Variants in BCL11B observed in about 807,000 individuals in gnomAD.
BCL11B encodes BCL11 transcription factor B, also known as B-cell lymphoma/leukemia 11B.
BCL11B carries 8 observed loss-of-function variants against 49.9 expected under a neutral mutation model. The ratio of observed to expected loss-of-function variants is 0.16; its 90% CI spans 0.09 to 0.29. The LOEUF (loss-of-function observed/expected upper bound fraction) is 0.29. BCL11B is among the 10% of genes least tolerant of loss of function. BCL11B has a pLI of 1.00. For synonymous variants in BCL11B, 739 were observed against 637.4 expected (o/e 1.16, Z -2.40); for missense variants, 1,006 against 1,351.0 (o/e 0.74, Z 4.00).
At chr14:99,249,214 G>C (rs1320117393) in intron 2 of BCL11B, among the ~76,000 whole-genome samples, 2 of 152,136 alleles carry the variant, frequency 1.3e-5, no homozygotes, top group Non-Finnish European at 2.9e-5. Flanking sequence ...GATCCCACGA[G>C]GCCTGGGCTC....
rs1409963178 is a variant in BCL11B at position 99,184,061 on chromosome 14, G to C, written c.641-7866C>G. On this transcript the variant is annotated intron_variant, in intron 3 of 3. Coordinates refer to ENST00000357195, the MANE Select transcript of BCL11B (RefSeq NM_138576.4). The surrounding 1 kb of genome is among the most constrained non-coding windows in gnomAD (Gnocchi z 6.1). ...CAGATCTTCCCAAATCACAGAGCTGGTGGGGCCTCCCTGATACCCAGGACG... is the reference window on the plus strand; with the variant it reads ...CAGATCTTCCCAAATCACAGAGCTGCTGGGGCCTCCCTGATACCCAGGACG... Among the ~76,000 whole-genome samples, 1 of 152,116 alleles carries C rather than the reference G, an allele frequency of 6.6e-6. No individual in the cohort carries two copies. The highest frequency in any genetic ancestry group is 1.5e-5 in the Non-Finnish European group (1 of 68,016).
At chr14:99,235,838 T>C (rs529316359) in intron 2 of BCL11B, among the ~76,000 whole-genome samples, 32 of 152,146 alleles carry the variant, frequency 2.1e-4, no homozygotes, top group African/African-American at 7.2e-4. Context: ...TTGATTTTTT[T>C]TTCTTTTTTT....
chr14:99,202,116 G>A (rs1049145226), intron 3 of BCL11B, among the ~76,000 whole-genome samples: 31 of 151,952 alleles, frequency 2.0e-4, no homozygotes, highest in African/African-American at 7.5e-4. Context: ...CGATTAGCTG[G>A]GATTATAGGC....
chr14:99,176,265 G>T, intron 3 of BCL11B, 70 bp from the exon 4 acceptor site: 1 of 1,445,656 alleles, frequency 6.9e-7, no homozygotes, highest in South Asian at 1.2e-5. Context: ...GCACCGCAGG[G>T]CCACTGGCCT....
chr14:99,254,089 T>C (rs946438874), intron 2 of BCL11B, among the ~76,000 whole-genome samples: 2 of 152,160 alleles, frequency 1.3e-5, no homozygotes, highest in Non-Finnish European at 2.9e-5. Flanking sequence ...ATTATCCCCA[T>C]GTTGGACGCC....
In BCL11B at chr14:99,174,163, G is replaced by C. The variant is rs1390298213; in HGVS notation, c.2673C>G (p.Ala891=). The change falls in exon 4 of 4, where the codon GCC becomes GCG. Residue 891 remains alanine (A), a synonymous_variant. Coordinates refer to ENST00000357195, the MANE Select transcript of BCL11B (RefSeq NM_138576.4). ...LLTNDVKIEQ[A]ERS is the part of the protein sequence containing the mutation. ...GGGGCCCGCGCGCTTAGCTCCTCTC[G>C]GCCTGCTCGATTTTGACGTCGTTAG... The C allele has an allele frequency of 1.2e-6, 2 of 1,612,508 alleles. No homozygotes were observed. The highest frequency in any genetic ancestry group is 1.7e-6 in the Non-Finnish European group (2 of 1,179,958).
intron 1 of BCL11B, among the ~76,000 whole-genome samples, chr14:99,267,232 C>T (rs1192759081): frequency 1.3e-5 from 2 of 151,680 alleles, no homozygotes; most frequent in South Asian, 2.1e-4. Context: ...GACAAAAAAT[C>T]GCCAAGGCCA....
rs1471580671 is a variant in BCL11B, at chr14:99,169,955, A to G, written c.*4196T>C. 2 of 229,618 alleles carry G rather than the reference A, an allele frequency of 8.7e-6. No homozygotes were observed. The highest frequency in any genetic ancestry group is 3.6e-4 in the South Asian group (2 of 5,498). The allele number at this position is 229,618 out of a possible 1,614,324, so 14.2% of individuals were successfully genotyped here. On this transcript the variant is annotated 3_prime_UTR_variant, in exon 4 of 4. Coordinates refer to ENST00000357195, the MANE Select transcript of BCL11B (RefSeq NM_138576.4). The stretch of plus-strand genomic sequence containing the variant: ...CGGCCTGAGGTCGGCTGGGTCACCC[A>G]TGCTAGAGGCCTCTCTCTCGGGATC...
intron 2 of BCL11B, among the ~76,000 whole-genome samples, chr14:99,245,538 C>A (rs1302875154): frequency 6.6e-6 from 1 of 152,200 alleles, no homozygotes; most frequent in Non-Finnish European, 1.5e-5. Context: ...ACCTGGATCC[C>A]GGGAACCGCC....
At chr14:99,217,385 G>GACACACACACACATAC (rs555834922) in intron 3 of BCL11B, among the ~76,000 whole-genome samples, 1 of 131,018 alleles carries the variant, frequency 7.6e-6, no homozygotes, top group East Asian at 2.1e-4. Flanking sequence ...CACACATACA[G>GACACACACACACATAC]ACACACACAC....
At position 99,173,261 on chromosome 14, in the gene BCL11B, C is replaced by T. The variant is rs1886348941; in HGVS notation, c.*890G>A. 4.4e-6 allele frequency: 1 copy of T among 225,606 alleles called. No individual in the cohort carries two copies. The highest frequency in any genetic ancestry group is 2.2e-5 in the African/African-American group (1 of 44,870). The allele number at this position is 225,606 out of a possible 1,614,324, so 14.0% of individuals were successfully genotyped here. A position where few individuals can be genotyped will look rare whatever the true frequency, so the allele number is the denominator to read the frequency against. On this transcript the variant is annotated 3_prime_UTR_variant, in exon 4 of 4. Transcript: ENST00000357195. ...GCCATGGCACCCCAGGGCACACCAA[C>T]AGGATAGTATCTGCTGGTCATGCAC...
At position 99,175,078 on chromosome 14, in the gene BCL11B, C is replaced by A. The variant is rs772221538; in HGVS notation, c.1758G>T (p.Ala586=). Residue 586 remains alanine, a synonymous_variant, in exon 4 of 4, where the codon GCG becomes GCT. Coordinates refer to ENST00000357195, the MANE Select transcript of BCL11B (RefSeq NM_138576.4). ...VPGAGGGAAK[A]LADEKALVLG... ...GCACCAGCGCCTTCTCGTCAGCCAG[C>A]GCCTTGGCCGCGCCGCCCCCCGCGC... 5.0e-6 allele frequency: 8 copies of A among 1,600,226 alleles called. No individual in the cohort carries two copies. Among genetic ancestry groups the A allele is most frequent in the Middle Eastern group, 1.7e-4 (1 of 6,042 alleles).
rs558807921 is a variant in BCL11B at position 99,213,837 on chromosome 14, G to A, written c.640+17508C>T. Among the ~76,000 whole-genome samples the A allele has an allele frequency of 1.1e-3, 175 of 152,308 alleles. No individual in the cohort carries two copies. Among genetic ancestry groups the A allele is most frequent in the Non-Finnish European group, 6.6e-4 (45 of 68,024 alleles). On this transcript the variant is annotated intron_variant, in intron 3 of 3. Transcript: ENST00000357195. The surrounding 1 kb of genome is among the most constrained non-coding windows in gnomAD (Gnocchi z 5.1). The stretch of plus-strand genomic sequence containing the variant: ...CAAGGGCCCCCCGAGGGGCTGCCCC[G>A]TGCGCCCAGGCACAAGGGTACTGCT...
chr14:99,216,859 A>G lies in BCL11B; in HGVS notation c.640+14486T>C, dbSNP rs571672137. Among the ~76,000 whole-genome samples, 6 of 152,252 alleles carry G rather than the reference A, an allele frequency of 3.9e-5. No homozygotes were observed. The East Asian group carries it at 1.2e-3, about 29-fold the overall frequency. On this transcript the variant is annotated intron_variant, in intron 3 of 3. Coordinates refer to ENST00000357195, the MANE Select transcript of BCL11B (RefSeq NM_138576.4). ...CACACAAAAACACTCATACACACAC[A>G]CACGCATACATACACATATGTGCAC...
chr14:99,221,554 C>T (rs1410395124), intron 3 of BCL11B, among the ~76,000 whole-genome samples: 1 of 152,252 alleles, frequency 6.6e-6, no homozygotes, highest in Non-Finnish European at 1.5e-5. Context: ...TTCCTACTCA[C>T]ACCTGCCAGG....
chr14:99,219,629 C>T (rs865990560), intron 3 of BCL11B, among the ~76,000 whole-genome samples: 3 of 152,032 alleles, frequency 2.0e-5, no homozygotes, highest in Non-Finnish European at 2.9e-5. Context: ...AGCTCTATCT[C>T]GCTCCTAGGG....
intron 3 of BCL11B, among the ~76,000 whole-genome samples, chr14:99,206,260 T>A (rs149048526): frequency 2.7e-3 from 412 of 152,290 alleles, no homozygotes; most frequent in Non-Finnish European, 4.4e-3. Flanking sequence ...TAAAGTTTTA[T>A]TGAAACAACA....
intron 3 of BCL11B, among the ~76,000 whole-genome samples, chr14:99,207,439 A>T (rs1039215888): frequency 1.5e-4 from 23 of 152,112 alleles, no homozygotes; most frequent in African/African-American, 5.6e-4. Flanking sequence ...ATCCCCCATG[A>T]AGCTGAGGGA....
rs916578228 is a variant in BCL11B at position 99,174,664 on chromosome 14, G to C, written c.2172C>G (p.Asp724Glu). The change falls in exon 4 of 4, where the codon GAC becomes GAG. Residue 724 changes from aspartate to glutamate, a missense_variant. Physicochemically the swap from Asp to Glu is conservative, Grantham distance 45. Transcript: ENST00000357195. ...GYAASRHFMKDPFLGFTDARQ... is the reference protein window; with the variant it reads ...GYAASRHFMKEPFLGFTDARQ... ...GTGCGTCCGTGAAGCCCAGGAAGGG[G>C]TCCTTCATGAAGTGCCGCGACGCCG... 1 of 1,580,218 alleles carries C rather than the reference G, an allele frequency of 6.3e-7. No individual in the cohort carries two copies. The highest frequency in any genetic ancestry group is 8.6e-7 in the Non-Finnish European group (1 of 1,166,278).
Sources: allele counts gnomAD v4.1 joint callset (sites outside exome capture counted in the v4.1 genomes callset), GRCh38; gene constraint gnomAD v4.1.1; non-coding constraint Gnocchi (gnomAD v3.1); transcripts MANE v1.5; gene names NCBI Gene and HGNC (gene_info 2026-07-23, HGNC 2026-07-21).